CDH7: variants seen among roughly 807,000 people sequenced by gnomAD.
The protein encoded by CDH7 is cadherin-7.
A neutral mutation model predicts 71.8 loss-of-function variants in CDH7; 25 were observed. The observed-to-expected ratio is 0.35, with a 90% confidence interval of 0.25 to 0.49. The LOEUF (loss-of-function observed/expected upper bound fraction) is 0.49. Ranked by LOEUF, CDH7 falls within the 20% of genes least tolerant of loss-of-function variation. The pLI, the probability that CDH7 is intolerant of heterozygous loss-of-function variation, is 0.99. For synonymous variants in CDH7, 381 were observed against 363.8 expected, an observed-to-expected ratio of 1.05 and a Z score of -0.54; for missense variants, 862 against 974.6, an observed-to-expected ratio of 0.88 and a Z score of 1.54.
intron 3 of CDH7, among the ~76,000 whole-genome samples, chr18:65,813,375 A>G (rs1911610929): frequency 1.3e-5 from 2 of 152,290 alleles, no homozygotes; most frequent in South Asian, 4.1e-4. Flanking sequence ...GGATTTAAAG[A>G]ATAGTGCTGT....
intron 7 of CDH7, among the ~76,000 whole-genome samples, chr18:65,854,286 A>G (rs1344026244): frequency 8.6e-6 from 1 of 116,892 alleles, no homozygotes; most frequent in Admixed American, 1.0e-4. Context: ...AGCCTGGGCT[A>G]CAGAGTAGAC....
rs745446929 is a variant in CDH7 at position 65,880,496 on chromosome 18, G to A, written c.1960G>A (p.Asp654Asn). The A allele has an allele frequency of 3.1e-6, 5 of 1,607,384 alleles. No homozygotes were observed. The highest frequency in any genetic ancestry group is 3.4e-6 in the Non-Finnish European group (4 of 1,178,326). The change falls in exon 12 of 12, where the codon GAT becomes AAT. Residue 654 changes from aspartate to asparagine, a missense_variant. Asp to Asn is a conservative substitution (Grantham distance 23, BLOSUM62 1). Coordinates refer to ENST00000397968, the MANE Select transcript of CDH7 (RefSeq NM_004361.5). The stretch of plus-strand genomic sequence containing the variant: ...CATCAGAGAAAATATTGTGAGATAC[G>A]ATGACGAGGGCGGGGGAGAGGAGGA... Reference protein sequence around the residue: ...RDIRENIVRYDDEGGGEEDTE... With the variant: ...RDIRENIVRYNDEGGGEEDTE...
rs979299626 is a variant in CDH7 at position 65,813,650 on chromosome 18, C to T, written c.506-835C>T. On this transcript the variant is annotated intron_variant, in intron 3 of 11. Transcript: ENST00000397968. ...CCATATTTAAAAGATAGCATATTTA[C>T]TAAATAATAGTATATAACTAAATAT... Among the ~76,000 whole-genome samples, 3 of 151,704 alleles carry T rather than the reference C, an allele frequency of 2.0e-5. No homozygotes were observed. The South Asian group carries it at 6.2e-4, about 31-fold the overall frequency.
intron 7 of CDH7, among the ~76,000 whole-genome samples, chr18:65,849,260 G>A (rs919948464): frequency 2.6e-5 from 4 of 152,044 alleles, no homozygotes; most frequent in African/African-American, 9.7e-5. Flanking sequence ...GTTTTCATTA[G>A]AGTAGTGTAC....
chr18:65,813,496 T>C (rs1311483363), intron 3 of CDH7, among the ~76,000 whole-genome samples: 1 of 152,146 alleles, frequency 6.6e-6, no homozygotes, highest in East Asian at 1.9e-4. Flanking sequence ...ATGACTTGCT[T>C]AAGTCATTTT....
rs897999242 is a variant in CDH7 at position 65,857,879 on chromosome 18, C to T, written c.1299C>T (p.Val433=). 4 of 1,613,126 alleles carry T rather than the reference C, an allele frequency of 2.5e-6. No homozygotes were observed. In the African/African-American group the frequency reaches 5.3e-5, roughly 22 times the overall value. The change falls in exon 8 of 12, where the codon GTC becomes GTT. Residue 433 remains valine, a synonymous_variant. Transcript: ENST00000397968. ...TCAATATTGATGCCAACAGTGGGGT[C>T]ATCACAACTGCCAAGTCTTTGGATC... ...RYFNIDANSG[V]ITTAKSLDRE... is the part of the protein sequence containing the mutation.
At chr18:65,847,462 T>C (rs1365690142) in intron 7 of CDH7, among the ~76,000 whole-genome samples, 1 of 152,196 alleles carries the variant, frequency 6.6e-6, no homozygotes, top group Non-Finnish European at 1.5e-5. Context: ...TAGTATTTTC[T>C]GATATATGAG....
At chr18:65,776,320 A>T (rs1014254509) in intron 2 of CDH7, among the ~76,000 whole-genome samples, 1 of 150,892 alleles carries the variant, frequency 6.6e-6, no homozygotes, top group Non-Finnish European at 1.5e-5. Flanking sequence ...TTAAAATTAC[A>T]TGGGACAGCT....
intron 2 of CDH7, among the ~76,000 whole-genome samples, chr18:65,795,290 G>T (rs745917038): frequency 6.2e-4 from 95 of 152,240 alleles, no homozygotes; most frequent in Non-Finnish European, 1.3e-3. Flanking sequence ...AGATGATTCA[G>T]TTGGCACTTT....
chr18:65,778,818 C>T (rs888274838), intron 2 of CDH7, among the ~76,000 whole-genome samples: 11 of 151,710 alleles, frequency 7.3e-5, no homozygotes, highest in Non-Finnish European at 1.5e-4. Flanking sequence ...CATAGCAGCA[C>T]GTCCCCACAA....
At chr18:65,821,142 AAC>A (rs1382527127) in intron 4 of CDH7, among the ~76,000 whole-genome samples, 2,121 of 64,556 alleles carry the variant, frequency 0.033, 39 homozygotes, top group African/African-American at 0.078. Context: ...CAAAAAAAAA[AAC>A]AAGAAAAGAA....
In CDH7 at chr18:65,814,460, C is replaced by T. The variant is rs748423202; in HGVS notation, c.506-25C>T. On this transcript the variant is annotated intron_variant, in intron 3 of 11. Transcript: ENST00000397968. ...TTGTGGTATTTGGAAGTTTTTAATT[C>T]AGTGGTTTTGGGATTGGCATCTAGG... 2.0e-5 allele frequency: 33 copies of T among 1,613,146 alleles called. No individual in the cohort carries two copies. The South Asian group carries it at 3.5e-4, about 17-fold the overall frequency.
chr18:65,806,523 C>T (rs1015264730), intron 2 of CDH7, among the ~76,000 whole-genome samples: 1 of 151,926 alleles, frequency 6.6e-6, no homozygotes, highest in East Asian at 1.9e-4. Context: ...TCTTTGGTTG[C>T]GTTTATTTTG....
intron 11 of CDH7, chr18:65,864,039 C>T (rs773460336): frequency 7.2e-5 from 11 of 151,972 alleles, no homozygotes; most frequent in Non-Finnish European, 1.5e-4. Flanking sequence ...TAAATGCTGT[C>T]GTGAAAATGG....
At chr18:65,873,451 C>T (rs1913984032) in intron 11 of CDH7, among the ~76,000 whole-genome samples, 1 of 152,134 alleles carries the variant, frequency 6.6e-6, no homozygotes, top group African/African-American at 2.4e-5. Context: ...TAAAAAGAAA[C>T]TGTTGAAATA....
Position 65,844,935 on chromosome 18 carries a change from G to T in CDH7, c.1235+870G>T, listed in dbSNP as rs8099610. 5.6e-3 allele frequency among the ~76,000 whole-genome samples: 857 copies of T among 152,034 alleles called. 11 individuals are homozygous for T. The highest frequency in any genetic ancestry group is 0.02 in the African/African-American group (830 of 41,504). On this transcript the variant is annotated intron_variant, in intron 7 of 11. Transcript: ENST00000397968. ...AAAAATAAATAAAACAACAATGATT[G>T]TTTTATCTTCAGATATGTTCAATTA...
chr18:65,798,993 G>A (rs988744276), intron 2 of CDH7, among the ~76,000 whole-genome samples: 5 of 152,008 alleles, frequency 3.3e-5, no homozygotes, highest in African/African-American at 1.2e-4. Context: ...CATATGTTAG[G>A]CCCTCTTTCC....
chr18:65,753,582 C>CT (rs529806638), intron 1 of CDH7, among the ~76,000 whole-genome samples: 144 of 152,218 alleles, frequency 9.5e-4, no homozygotes, highest in Admixed American at 2.9e-3. Context: ...GAGATGGAAG[C>CT]TTTTTCTTCC....
At chr18:65,791,792 C>G (rs1910721209) in intron 2 of CDH7, among the ~76,000 whole-genome samples, 1 of 152,302 alleles carries the variant, frequency 6.6e-6, no homozygotes, top group South Asian at 2.1e-4. Flanking sequence ...AACACTGTCC[C>G]TAGTTTCATA....
Sources: gnomAD v4.1 joint callset for allele counts (sites outside exome capture counted in the v4.1 genomes callset) on GRCh38, gnomAD v4.1.1 for gene constraint, MANE v1.5 for transcripts, NCBI Gene and HGNC (gene_info 2026-07-23, HGNC 2026-07-21) for gene names.